COL21A1: variants seen among roughly 807,000 people sequenced by gnomAD.
COL21A1 encodes collagen alpha-1(XXI) chain.
Under a neutral mutation model 137.9 loss-of-function variants are expected in COL21A1, and 149 were observed. The ratio of observed to expected loss-of-function variants is 1.08; its 90% CI spans 0.95 to 1.24. The LOEUF is 1.24. Ranked by LOEUF, COL21A1 falls within the 50% of genes most tolerant of loss-of-function variation. The pLI is 0.00. For synonymous variants in COL21A1, 456 were observed against 391.5 expected (o/e 1.16, Z -1.95); for missense variants, 1,167 against 1,158.4 (o/e 1.01, Z -0.11).
intron 17 of COL21A1, among the ~76,000 whole-genome samples, chr6:56,100,615 T>G (rs746371105): frequency 6.6e-6 from 1 of 152,168 alleles, no homozygotes; most frequent in South Asian, 2.1e-4. Context: ...CATCATTTTT[T>G]TCAGTCTTCC....
Position 56,069,027 on chromosome 6 carries a change from T to C in COL21A1, c.2091+19A>G, listed in dbSNP as rs746577586. 2.6e-6 allele frequency: 4 copies of C among 1,564,406 alleles called. No individual in the cohort carries two copies. Among genetic ancestry groups the C allele is most frequent in the Admixed American group, 3.5e-5 (2 of 56,648 alleles). On this transcript the variant is annotated intron_variant, in intron 22 of 29. Coordinates refer to ENST00000244728, the MANE Select transcript of COL21A1 (RefSeq NM_030820.4). ...AGTAACTGGTTAAAAGCGAACTGTA[T>C]CTCCTAACCAATGCATACCTTTTTT...
At chr6:56,353,732 T>C (rs1490599205) in intron 1 of COL21A1, among the ~76,000 whole-genome samples, 4 of 151,954 alleles carry the variant, frequency 2.6e-5, no homozygotes, top group Non-Finnish European at 4.4e-5. Context: ...TACCTAAGAA[T>C]GCCAATAGAA....
intron 1 of COL21A1, among the ~76,000 whole-genome samples, chr6:56,380,418 G>T (rs1347956853): frequency 1.3e-5 from 2 of 152,168 alleles, no homozygotes; most frequent in Non-Finnish European, 2.9e-5. Flanking sequence ...TAATGGGCAG[G>T]TGGTCTTTTT....
chr6:56,258,119 C>T (rs989915518), intron 1 of COL21A1, among the ~76,000 whole-genome samples: 7 of 151,980 alleles, frequency 4.6e-5, no homozygotes, highest in African/African-American at 1.7e-4. Flanking sequence ...ATATTCATTT[C>T]TTTCTCATTC....
rs559005435 is a variant in COL21A1, at chr6:56,090,347, C to A, written c.1812+11125G>T. Among the ~76,000 whole-genome samples the A allele has an allele frequency of 1.2e-3, 190 of 152,242 alleles. 3 individuals carry two copies. Among genetic ancestry groups the A allele is most frequent in the African/African-American group, 4.3e-3 (178 of 41,542 alleles). On this transcript the variant is annotated intron_variant, in intron 17 of 29. Transcript: ENST00000244728. ...CTTTATGTTATTGTTTGATGGTAGTCCAGTTTTGCTATGTCAATGATATTT... is the reference window on the plus strand; with the variant it reads ...CTTTATGTTATTGTTTGATGGTAGTACAGTTTTGCTATGTCAATGATATTT...
intron 24 of COL21A1, among the ~76,000 whole-genome samples, chr6:56,063,381 A>G (rs533355656): frequency 1.6e-4 from 25 of 152,116 alleles, no homozygotes; most frequent in Non-Finnish European, 3.5e-4. Context: ...AGAAGGTCCT[A>G]TGGGAATAGC....
chr6:56,248,121 C>A (rs1421649489), upstream of COL21A1, among the ~76,000 whole-genome samples: 1 of 152,220 alleles, frequency 6.6e-6, no homozygotes, highest in Non-Finnish European at 1.5e-5. Context: ...AGCCTTATGA[C>A]AAGATAAAGA....
Position 56,168,168 on chromosome 6 carries a change from G to A in COL21A1, c.1156C>T (p.Gln386Ter). ...CCAGAATATTTTCCAATTTGGGTTT[G>A]CCCATTGATCAAGATCCCTAAAACT... ...HPVLGILING[Q>*]TQIGKYSGKE... The change falls in exon 6 of 30, where the codon CAA (glutamine) becomes TAA (stop). Residue 386 changes from glutamine (Q) to a stop codon, truncating the protein, a stop_gained. Transcript: ENST00000244728. LOFTEE classifies it high-confidence loss of function. 3.2e-6 allele frequency: 5 copies of A among 1,541,792 alleles called. No individual in the cohort carries two copies. The South Asian group carries it at 3.8e-5, about 12-fold the overall frequency.
chr6:56,084,768 A>G (rs922729592), intron 17 of COL21A1, among the ~76,000 whole-genome samples: 6 of 152,092 alleles, frequency 3.9e-5, no homozygotes, highest in Non-Finnish European at 8.8e-5. Context: ...TCAAAATAAA[A>G]AAGTAAAGAT....
intron 1 of COL21A1, among the ~76,000 whole-genome samples, chr6:56,195,449 G>T (rs544471702): frequency 6.6e-6 from 1 of 151,960 alleles, no homozygotes; most frequent in Non-Finnish European, 1.5e-5. Flanking sequence ...TGGTGGGGGA[G>T]GGAAAGAGGG....
intron 21 of COL21A1, among the ~76,000 whole-genome samples, chr6:56,070,521 A>G (rs1766649333): frequency 1.3e-5 from 2 of 151,576 alleles, no homozygotes; most frequent in Non-Finnish European, 3.0e-5. Flanking sequence ...ATTTTTCAAA[A>G]AATTAAGCCA....
chr6:56,201,233 A>T (rs1779388558), intron 1 of COL21A1, among the ~76,000 whole-genome samples: 2 of 151,886 alleles, frequency 1.3e-5, no homozygotes, highest in Admixed American at 1.3e-4. Flanking sequence ...GGCTGCAAAA[A>T]TTTTCTCCCA....
chr6:56,244,516 G>A (rs909143377), intron 1 of COL21A1, among the ~76,000 whole-genome samples: 19 of 152,026 alleles, frequency 1.2e-4, no homozygotes, highest in African/African-American at 4.3e-4. Context: ...ATAATAAATT[G>A]GAATTACATT....
At chr6:56,257,189 C>T in intron 1 of COL21A1, among the ~76,000 whole-genome samples, 1 of 152,118 alleles carries the variant, frequency 6.6e-6, no homozygotes, top group East Asian at 1.9e-4. Flanking sequence ...ATTCCCATTA[C>T]TAGCAAGTTT....
At chr6:56,133,361 A>AT (rs1200849362) in intron 12 of COL21A1, among the ~76,000 whole-genome samples, 7 of 152,070 alleles carry the variant, frequency 4.6e-5, no homozygotes, top group African/African-American at 1.7e-4. Flanking sequence ...GAACTTTGAG[A>AT]TTATTTAGAG....
At chr6:56,249,144 T>C (rs538923850), upstream of COL21A1, among the ~76,000 whole-genome samples, 16 of 152,268 alleles carry the variant, frequency 1.1e-4, no homozygotes, top group East Asian at 2.7e-3. Flanking sequence ...AATTAGCCAT[T>C]GGGGAAATGA....
At chr6:56,319,161 G>C (rs1431767309) in intron 1 of COL21A1, among the ~76,000 whole-genome samples, 3 of 152,004 alleles carry the variant, frequency 2.0e-5, no homozygotes, top group East Asian at 1.9e-4. Context: ...CTGTTTTGCT[G>C]GTTCTTTTCA....
At chr6:56,192,235 A>T (rs548752537) in intron 1 of COL21A1, among the ~76,000 whole-genome samples, 1 of 152,356 alleles carries the variant, frequency 6.6e-6, no homozygotes, top group South Asian at 2.1e-4. Context: ...AAGACCTTAA[A>T]CCATAAAAAT....
At chr6:56,124,861 G>A (rs1302500438) in intron 14 of COL21A1, among the ~76,000 whole-genome samples, 2 of 151,964 alleles carry the variant, frequency 1.3e-5, no homozygotes, top group African/African-American at 4.8e-5. Context: ...TAGCCAGGAT[G>A]GTCTCGATCT....
Sources: allele counts gnomAD v4.1 joint callset (sites outside exome capture counted in the v4.1 genomes callset), GRCh38; gene constraint gnomAD v4.1.1; transcripts MANE v1.5; gene names NCBI Gene and HGNC (gene_info 2026-07-23, HGNC 2026-07-21).